Variants in KIAA0825 observed in about 807,000 individuals in gnomAD.
The protein encoded by KIAA0825 is KIAA0825, also known as uncharacterized protein KIAA0825.
Under a neutral mutation model 147.6 loss-of-function variants are expected in KIAA0825, and 119 were observed. That is an observed-to-expected ratio of 0.81 (90% CI 0.69 to 0.94). The LOEUF (loss-of-function observed/expected upper bound fraction) is 0.94, where lower values mean the gene tolerates loss of function less well. Among genes scored for constraint, KIAA0825 ranks in the 40% least tolerant of loss-of-function variants. KIAA0825 has a pLI of 0.00. For synonymous variants in KIAA0825, 470 were observed against 518.1 expected (o/e 0.91, Z 1.26); for missense variants, 1,381 against 1,472.7 (o/e 0.94, Z 1.02).
At chr5:94,155,004 C>A (rs191929132) in intron 20 of KIAA0825, among the ~76,000 whole-genome samples, 6 of 152,226 alleles carry the variant, frequency 3.9e-5, no homozygotes, top group Non-Finnish European at 5.9e-5. Flanking sequence ...CTGATACAGT[C>A]TAAAAGATCC....
At chr5:94,341,128 CAG>C (rs1782322658) in intron 20 of KIAA0825, among the ~76,000 whole-genome samples, 1 of 152,070 alleles carries the variant, frequency 6.6e-6, no homozygotes, top group South Asian at 2.1e-4. Context: ...TGTAATAAAA[CAG>C]ATGATATTAC....
chr5:94,449,207 A>T (rs1361077091), intron 13 of KIAA0825, among the ~76,000 whole-genome samples: 2 of 152,208 alleles, frequency 1.3e-5, no homozygotes, highest in East Asian at 3.8e-4. Context: ...GAGGAGACTG[A>T]CTTAACTGGA....
Position 94,522,479 on chromosome 5 carries a change from T to C in KIAA0825, c.300+1451A>G, listed in dbSNP as rs563057658. Among the ~76,000 whole-genome samples the C allele has an allele frequency of 2.0e-5, 3 of 151,810 alleles. No homozygotes were observed. In the South Asian group the frequency reaches 6.2e-4, roughly 31 times the overall value. On this transcript the variant is annotated intron_variant, in intron 4 of 20. Transcript: ENST00000682413. ...ATTTGATCAAACAAAGAATAATAGA[T>C]TACAGAGGTTTAGAACATATGTTTA...
At chr5:94,523,579 T>C (rs978139640) in intron 4 of KIAA0825, among the ~76,000 whole-genome samples, 6 of 151,434 alleles carry the variant, frequency 4.0e-5, no homozygotes, top group Non-Finnish European at 7.4e-5. Context: ...AAATGAATAG[T>C]GAAAGGATAC....
intron 20 of KIAA0825, among the ~76,000 whole-genome samples, chr5:94,376,419 G>A (rs1288002655): frequency 6.6e-6 from 1 of 152,134 alleles, no homozygotes; most frequent in Non-Finnish European, 1.5e-5. Flanking sequence ...TGTAGTGAGA[G>A]TCAAAGGAGA....
At chr5:94,257,716 G>A (rs138210214) in intron 20 of KIAA0825, among the ~76,000 whole-genome samples, 91 of 152,160 alleles carry the variant, frequency 6.0e-4, no homozygotes, top group East Asian at 2.9e-3. Context: ...AGTGACTTAC[G>A]ATCATACAAG....
At chr5:94,430,581 A>C (rs547028925) in intron 14 of KIAA0825, among the ~76,000 whole-genome samples, 50 of 152,340 alleles carry the variant, frequency 3.3e-4, no homozygotes, top group African/African-American at 1.2e-3. Context: ...CCCGGGTCAT[A>C]AATGAAATAA....
At chr5:94,584,808 C>T (rs113038596) in intron 1 of KIAA0825, among the ~76,000 whole-genome samples, 2 of 152,070 alleles carry the variant, frequency 1.3e-5, no homozygotes, top group East Asian at 1.9e-4. Flanking sequence ...ATGTTACCCA[C>T]AAAGGGAAGC....
intron 20 of KIAA0825, among the ~76,000 whole-genome samples, chr5:94,378,948 G>A (rs1747983091): frequency 6.6e-6 from 1 of 152,122 alleles, no homozygotes; most frequent in African/African-American, 2.4e-5. Flanking sequence ...TTTTAATGGG[G>A]TTGTTTGCTT....
chr5:94,617,447 G>C (rs1585067815), intron 1 of KIAA0825, among the ~76,000 whole-genome samples: 1 of 152,014 alleles, frequency 6.6e-6, no homozygotes, highest in East Asian at 1.9e-4. Context: ...TGTTAACAGG[G>C]GCCTTGAATT....
chr5:94,536,202 T>C (rs1771976827), intron 3 of KIAA0825, among the ~76,000 whole-genome samples: 1 of 152,192 alleles, frequency 6.6e-6, no homozygotes, highest in Admixed American at 6.5e-5. Flanking sequence ...GAACTAACTA[T>C]TCTCACGTAA....
intron 1 of KIAA0825, among the ~76,000 whole-genome samples, chr5:94,590,924 A>C (rs974273824): frequency 1.3e-5 from 2 of 152,222 alleles, no homozygotes; most frequent in Non-Finnish European, 2.9e-5. Context: ...AAGGAGAGCA[A>C]TGTAGAAAAT....
chr5:94,349,011 T>C (rs555775711), intron 20 of KIAA0825, among the ~76,000 whole-genome samples: 2 of 152,230 alleles, frequency 1.3e-5, no homozygotes, highest in Non-Finnish European at 2.9e-5. Flanking sequence ...AACTGCAGAA[T>C]GGATAAGAAC....
intron 20 of KIAA0825, among the ~76,000 whole-genome samples, chr5:94,322,324 T>A (rs1192492422): frequency 2.6e-5 from 4 of 151,842 alleles, no homozygotes; most frequent in Non-Finnish European, 5.9e-5. Flanking sequence ...AAAATCAGGG[T>A]TTTTTAGGTA....
intron 20 of KIAA0825, among the ~76,000 whole-genome samples, chr5:94,255,352 C>T (rs761100698): frequency 6.6e-6 from 1 of 151,796 alleles, no homozygotes; most frequent in African/African-American, 2.4e-5. Context: ...ACCCTAGATA[C>T]CAAGCATGAA....
intron 20 of KIAA0825, among the ~76,000 whole-genome samples, chr5:94,351,687 C>T (rs886502897): frequency 5.9e-5 from 9 of 152,182 alleles, no homozygotes; most frequent in African/African-American, 1.9e-4. Context: ...TGATTTCAAA[C>T]TATACTAGAA....
intron 20 of KIAA0825, among the ~76,000 whole-genome samples, chr5:94,159,505 T>A (rs1451611424): frequency 6.6e-6 from 1 of 152,204 alleles, no homozygotes; most frequent in Non-Finnish European, 1.5e-5. Flanking sequence ...ACGTTCTGTG[T>A]CTTTCACATT....
intron 20 of KIAA0825, among the ~76,000 whole-genome samples, chr5:94,245,621 C>G (rs1244713215): frequency 6.6e-6 from 1 of 152,152 alleles, no homozygotes; most frequent in Non-Finnish European, 1.5e-5. Context: ...ACACTTTGAT[C>G]TTGTCAGAGG....
At chr5:94,409,107 G>A (rs147247473) in intron 15 of KIAA0825, among the ~76,000 whole-genome samples, 2,400 of 152,250 alleles carry the variant, frequency 0.016, 24 homozygotes, top group Non-Finnish European at 0.025. Context: ...TGTTATTTAG[G>A]AAATTAGTGT....
Sources: allele counts gnomAD v4.1 joint callset (sites outside exome capture counted in the v4.1 genomes callset), GRCh38; gene constraint gnomAD v4.1.1; transcripts MANE v1.5; gene names NCBI Gene and HGNC (gene_info 2026-07-23, HGNC 2026-07-21).